The following CACNB4 variants were observed in gnomAD, a reference collection of about 807,000 sequenced individuals.
CACNB4 encodes calcium voltage-gated channel auxiliary subunit beta 4, also known as voltage-dependent L-type calcium channel subunit beta-4.
CACNB4 carries 32 observed loss-of-function variants against 71.2 expected under a neutral mutation model. The observed-to-expected ratio is 0.45, with a 90% CI of 0.34 to 0.60. CACNB4 has a LOEUF of 0.60. CACNB4 is among the 20% of genes least tolerant of loss of function. The probability of loss-of-function intolerance (pLI) is 0.01; values close to 1 mark genes in which losing one functional copy is unlikely to be tolerated. For synonymous variants in CACNB4, 231 were observed against 236.9 expected (o/e 0.97, Z 0.23); for missense variants, 464 against 647.9 (o/e 0.72, Z 3.08).
chr2:152,002,885 T>C (rs1398028999), intron 2 of CACNB4, among the ~76,000 whole-genome samples: 1 of 152,240 alleles, frequency 6.6e-6, no homozygotes, highest in Non-Finnish European at 1.5e-5. Flanking sequence ...CTATTTGAAA[T>C]AACTTAGTAT....
At chr2:152,045,231 C>A (rs572316247) in intron 2 of CACNB4, among the ~76,000 whole-genome samples, 27 of 152,270 alleles carry the variant, frequency 1.8e-4, no homozygotes, top group African/African-American at 6.5e-4. Flanking sequence ...CCAGTGTTTA[C>A]AGCAGCGTTA....
intron 2 of CACNB4, among the ~76,000 whole-genome samples, chr2:151,964,672 T>C (rs1343117615): frequency 1.3e-5 from 2 of 152,214 alleles, no homozygotes; most frequent in African/African-American, 2.4e-5. Flanking sequence ...AGTGTGCCCT[T>C]GGATCAATAA....
At chr2:152,080,899 A>G (rs532127571) in intron 2 of CACNB4, among the ~76,000 whole-genome samples, 2 of 151,768 alleles carry the variant, frequency 1.3e-5, no homozygotes, top group Non-Finnish European at 2.9e-5. Flanking sequence ...CTTGCTCCCA[A>G]TCTCGCCATG....
At position 152,000,169 on chromosome 2, in the gene CACNB4, C is replaced by T. The variant is rs1169084279; in HGVS notation, c.147+98161G>A. Among the ~76,000 whole-genome samples the T allele has an allele frequency of 2.0e-5, 3 of 152,238 alleles. No homozygotes were observed. In the East Asian group the frequency reaches 5.8e-4, roughly 29 times the overall value. On this transcript the variant is annotated intron_variant, in intron 2 of 13. Transcript: ENST00000539935. ...TTTCTTTCCTCCACCACCCACCTCA[C>T]TCTTCAGGGGCTTTCGAGCTATGTC...
intron 8 of CACNB4, chr2:151,870,252 T>A: frequency 5.7e-6 from 4 of 703,034 alleles, no homozygotes; most frequent in Non-Finnish European, 7.8e-6. Flanking sequence ...TTTCTTTGCA[T>A]TTAATGTACA....
intron 2 of CACNB4, among the ~76,000 whole-genome samples, chr2:151,928,740 C>T (rs149128347): frequency 3.3e-5 from 5 of 152,068 alleles, no homozygotes; most frequent in African/African-American, 9.6e-5. Flanking sequence ...GCCTGGGCAA[C>T]ATGGTGAAAC....
intron 9 of CACNB4, chr2:151,868,900 T>C (rs946147765): frequency 1.1e-5 from 2 of 188,744 alleles, no homozygotes; most frequent in African/African-American, 2.3e-5. Context: ...ATAAAAAACA[T>C]TTTGGTATGA....
At chr2:152,018,124 T>A (rs533494149) in intron 2 of CACNB4, among the ~76,000 whole-genome samples, 101 of 152,166 alleles carry the variant, frequency 6.6e-4, no homozygotes, top group Non-Finnish European at 1.2e-3. Flanking sequence ...TGAGCCACCA[T>A]GCCCGGCCTT....
intron 2 of CACNB4, among the ~76,000 whole-genome samples, chr2:151,935,399 C>T (rs150954679): frequency 6.6e-6 from 1 of 152,180 alleles, no homozygotes; most frequent in Admixed American, 6.5e-5. Context: ...AAAAGTGAGA[C>T]AATGCATCAA....
At chr2:151,974,954 C>T (rs1189316972) in intron 2 of CACNB4, among the ~76,000 whole-genome samples, 2 of 152,168 alleles carry the variant, frequency 1.3e-5, no homozygotes, top group Non-Finnish European at 1.5e-5. Context: ...GCATGACTGA[C>T]TGGGTAAGTA....
chr2:151,899,779 A>C (rs2099852939), intron 2 of CACNB4, among the ~76,000 whole-genome samples: 1 of 152,142 alleles, frequency 6.6e-6, no homozygotes, highest in South Asian at 2.1e-4. Context: ...ATGCAATTCA[A>C]ATTGACAAAT....
At chr2:151,921,207 G>T (rs1461672281) in intron 2 of CACNB4, among the ~76,000 whole-genome samples, 2 of 151,082 alleles carry the variant, frequency 1.3e-5, no homozygotes, top group East Asian at 3.9e-4. Context: ...CACCTTACTT[G>T]ATTGGTTTAG....
intron 2 of CACNB4, among the ~76,000 whole-genome samples, chr2:152,023,498 G>A (rs1052398784): frequency 2.6e-5 from 4 of 151,974 alleles, no homozygotes; most frequent in Non-Finnish European, 4.4e-5. Context: ...GCAATGGCGC[G>A]ATCTCAGCTC....
Position 152,098,530 on chromosome 2 carries a change from C to G in CACNB4, c.64-117G>C, listed in dbSNP as rs1269719445. Reference sequence around the variant, plus strand: ...CCGCTCCCTGGGGTCCCCTAGAGCCCGCACCCAAGTCTCCTCCGCGACTCC... The same window carrying G: ...CCGCTCCCTGGGGTCCCCTAGAGCCGGCACCCAAGTCTCCTCCGCGACTCC... On this transcript the variant is annotated intron_variant, in intron 1 of 13. Coordinates refer to ENST00000539935, the MANE Select transcript of CACNB4 (RefSeq NM_000726.5). The surrounding 1 kb of genome is among the most constrained non-coding windows in gnomAD (Gnocchi z 5.3). 2 of 1,358,722 alleles carry G rather than the reference C, an allele frequency of 1.5e-6. No individual in the cohort carries two copies. The highest frequency in any genetic ancestry group is 2.9e-5 in the African/African-American group (2 of 69,884). The allele number at this position is 1,358,722 out of a possible 1,614,324, so 84.2% of individuals were successfully genotyped here.
chr2:151,945,875 T>TAC (rs1481920510), intron 2 of CACNB4, among the ~76,000 whole-genome samples: 23 of 135,116 alleles, frequency 1.7e-4, no homozygotes, highest in African/African-American at 2.5e-4. Context: ...ACCCTGTCTT[T>TAC]AAAAAAAAAA....
chr2:151,842,220 G>A (rs2099836402), intron 12 of CACNB4, 132 bp from the exon 13 acceptor site: 2 of 692,120 alleles, frequency 2.9e-6, no homozygotes, highest in Non-Finnish European at 2.5e-6. Context: ...TGCTATATGG[G>A]CAGTTTCTAA....
In CACNB4 at chr2:152,098,564, G is replaced by GCCGCCCC; in HGVS notation, c.64-152_64-151insGGGGCGG. ...GTCTCCTCCGCGACTCCCAAATACA[G>GCCGCCCC]CCCCCACCCCCACCCACCCACTGCA... On this transcript the variant is annotated intron_variant, in intron 1 of 13. Transcript: ENST00000539935. The surrounding 1 kb of genome is among the most constrained non-coding windows in gnomAD (Gnocchi z 5.3). The GCCGCCCC allele has an allele frequency of 1.1e-6, 1 of 931,262 alleles. No individual in the cohort carries two copies. The highest frequency in any genetic ancestry group is 1.7e-6 in the Non-Finnish European group (1 of 583,194). The allele number at this position is 931,262 out of a possible 1,614,324, so 57.7% of individuals were successfully genotyped here.
intron 2 of CACNB4, among the ~76,000 whole-genome samples, chr2:151,915,930 G>A (rs2099857396): frequency 1.3e-5 from 2 of 151,984 alleles, no homozygotes; most frequent in South Asian, 4.2e-4. Flanking sequence ...GTTCGTGAGT[G>A]GAAAAGCACA....
chr2:151,915,895 C>T (rs936491888), intron 2 of CACNB4, among the ~76,000 whole-genome samples: 2 of 150,610 alleles, frequency 1.3e-5, no homozygotes, highest in Non-Finnish European at 2.9e-5. Context: ...GGGGTTGGGA[C>T]GCTAGGCCCT....
Sources: gnomAD v4.1 joint callset for allele counts (sites outside exome capture counted in the v4.1 genomes callset) on GRCh38, gnomAD v4.1.1 for gene constraint, Gnocchi (gnomAD v3.1) non-coding constraint, MANE v1.5 for transcripts, NCBI Gene and HGNC (gene_info 2026-07-23, HGNC 2026-07-21) for gene names.